Variants in PARP14 observed in about 807,000 individuals in gnomAD.
PARP14 encodes protein mono-ADP-ribosyltransferase PARP14.
Under a neutral mutation model 154.2 loss-of-function variants are expected in PARP14, and 59 were observed. That is an observed-to-expected ratio of 0.38 (90% CI 0.31 to 0.48). The LOEUF (loss-of-function observed/expected upper bound fraction) is 0.48. Ranked by LOEUF, PARP14 falls within the 20% of genes least tolerant of loss-of-function variation. PARP14 has a pLI of 0.98. For missense variants in PARP14, 1,734 were observed against 2,131.6 expected (o/e 0.81, Z 3.67); for synonymous variants, 720 against 780.5 (o/e 0.92, Z 1.29).
In PARP14 at chr3:122,700,377, T is replaced by C; in HGVS notation, c.1823T>C (p.Val608Ala). Residue 608 changes from valine (V) to alanine (A), a missense_variant, in exon 6 of 17, where the codon GTT becomes GCT. Around this residue, in one of 2 missense-constraint regions of PARP14, gnomAD observed 1,646 missense variants for 1,976.0 expected, o/e 0.83. Coordinates refer to ENST00000474629, the MANE Select transcript of PARP14 (RefSeq NM_017554.3). ...CGCATTGAAGTTGAGAACAAAGAAG[T>C]TCTTCATGGCAAGAAATGGAAAGGG... ...YKRIEVENKE[V>A]LHGKKWKGLT... 6.2e-7 allele frequency: 1 copy of C among 1,613,872 alleles called. No homozygotes were observed. The highest frequency in any genetic ancestry group is 1.3e-5 in the African/African-American group (1 of 75,032).
rs1477031819 is a variant in PARP14, at chr3:122,730,185, A to G, written c.*1588A>G. On this transcript the variant is annotated 3_prime_UTR_variant, in exon 17 of 17. Transcript: ENST00000474629. ...TAGAAAGGAACCCTCAGAGCCGGCA[A>G]CTGAATCTTGGTCCCTGTGATGTCA... 1 of 152,190 alleles carries G rather than the reference A, an allele frequency of 6.6e-6. No individual in the cohort carries two copies. The highest frequency in any genetic ancestry group is 1.5e-5 in the Non-Finnish European group (1 of 68,038). The allele number at this position is 152,190 out of a possible 1,614,324, so 9.4% of individuals were successfully genotyped here.
At chr3:122,694,691 C>T (rs998325448) in intron 4 of PARP14, among the ~76,000 whole-genome samples, 38 of 152,034 alleles carry the variant, frequency 2.5e-4, no homozygotes, top group Middle Eastern at 3.2e-3. Context: ...GGCTAATTTT[C>T]GTATTTTTAG....
At position 122,704,606 on chromosome 3, in the gene PARP14, G is replaced by T; in HGVS notation, c.3398G>T (p.Gly1133Val). 6.2e-7 allele frequency: 1 copy of T among 1,607,142 alleles called. No individual in the cohort carries two copies. Among genetic ancestry groups the T allele is most frequent in the Non-Finnish European group, 8.5e-7 (1 of 1,175,962 alleles). Residue 1133 changes from glycine to valine, a missense_variant, in exon 8 of 17, where the codon GGA (glycine) becomes GTA (valine). By Grantham distance (109) the Gly-to-Val change is moderately radical. This residue lies in a region of PARP14 where 1,646 missense variants were observed against 1,976.0 expected (regional missense o/e 0.83). Coordinates refer to ENST00000474629, the MANE Select transcript of PARP14 (RefSeq NM_017554.3). ...AAATCAATTGCATTTCCAGCAATAG[G>T]AACAGGAAACTTGGGATTTCCTAAA... ...SLKSIAFPAI[G>V]TGNLGFPKNI...
rs1342367444 is a variant in PARP14 at position 122,700,152 on chromosome 3, A to G, written c.1598A>G (p.Gln533Arg). 1 of 1,613,546 alleles carries G rather than the reference A, an allele frequency of 6.2e-7. No homozygotes were observed. ...CAGGAAAAGGTGTACACCATGGCTC[A>G]GAAAAACATTCAGGTTTCTCCTGAG... is the stretch of plus-strand genomic sequence containing the variant. ...EIQEKVYTMAQKNIQVSPEIF... is the reference protein window; with the variant it reads ...EIQEKVYTMARKNIQVSPEIF... The change falls in exon 6 of 17, where the codon CAG becomes CGG. Residue 533 changes from glutamine (Q) to arginine (R), a missense_variant. Around this residue, in one of 2 missense-constraint regions of PARP14, gnomAD observed 1,646 missense variants for 1,976.0 expected, o/e 0.83. Coordinates refer to ENST00000474629, the MANE Select transcript of PARP14 (RefSeq NM_017554.3).
chr3:122,698,742 C>A (rs374411344), intron 5 of PARP14, among the ~76,000 whole-genome samples: 3 of 152,126 alleles, frequency 2.0e-5, no homozygotes, highest in African/African-American at 7.2e-5. Flanking sequence ...GTGTGTGACA[C>A]ATGCTAAGCT....
chr3:122,684,263 T>A (rs1238581390), intron 1 of PARP14, among the ~76,000 whole-genome samples: 2 of 152,204 alleles, frequency 1.3e-5, no homozygotes, highest in African/African-American at 4.8e-5. Context: ...AAACTCCTTT[T>A]TTCCCTGACC....
rs577202097 is a variant in PARP14, at chr3:122,714,661, TAGAG to T, written c.4000+235_4000+238del. On this transcript the variant is annotated intron_variant, in intron 12 of 16. Transcript: ENST00000474629. ...GAGACTGAAGAGAGTGTTAGAATGTTAGAGAGGCAGAAAGAAGGGAAGGGAAAAT... is the reference window on the plus strand; with the variant it reads ...GAGACTGAAGAGAGTGTTAGAATGTTAGGCAGAAAGAAGGGAAGGGAAAAT... Among the ~76,000 whole-genome samples, 479 of 152,044 alleles carry T rather than the reference TAGAG, an allele frequency of 3.2e-3. 5 individuals are homozygous for T. The highest frequency in any genetic ancestry group is 5.2e-3 in the Non-Finnish European group (353 of 67,958).
Position 122,700,677 on chromosome 3 carries a change from C to T in PARP14, c.2123C>T (p.Pro708Leu), listed in dbSNP as rs1189072611. Residue 708 changes from proline (P) to leucine (L), a missense_variant, in exon 6 of 17, where the codon CCT becomes CTT. Pro to Leu is a moderately conservative substitution (Grantham distance 98, BLOSUM62 -3). Transcript: ENST00000474629. ...KKVNVQVSFNPENKQKGILLT... is the reference protein window; with the variant it reads ...KKVNVQVSFNLENKQKGILLT... ...GTAAATGTGCAGGTAAGTTTCAATC[C>T]TGAGAACAAACAAAAAGGCATTTTA... The T allele has an allele frequency of 1.2e-6, 2 of 1,609,414 alleles. No homozygotes were observed. Among genetic ancestry groups the T allele is most frequent in the African/African-American group, 2.7e-5 (2 of 74,968 alleles).
intron 12 of PARP14, among the ~76,000 whole-genome samples, chr3:122,715,876 G>A (rs1046183001): frequency 1.3e-5 from 2 of 152,168 alleles, no homozygotes; most frequent in African/African-American, 4.8e-5. Context: ...AAGAAAGAAG[G>A]TAGGTTTCGT....
chr3:122,718,377 A>T lies in PARP14; in HGVS notation c.4226A>T (p.Lys1409Met), dbSNP rs1379857582. The change falls in exon 14 of 17, where the codon AAG becomes ATG. Residue 1409 changes from lysine to methionine, a missense_variant. By Grantham distance (95) the Lys-to-Met change is moderately conservative. Transcript: ENST00000474629. ...SKLASFLGFSKQSPQKKNHLV... is the reference protein window; with the variant it reads ...SKLASFLGFSMQSPQKKNHLV... ...TTTTTAGCATTTTTGGGCTTTTCAA[A>T]GCAATCTCCCCAAAAAAAGAATCAT... 17 of 1,612,472 alleles carry T rather than the reference A, an allele frequency of 1.1e-5. No homozygotes were observed. Among genetic ancestry groups the T allele is most frequent in the South Asian group, 1.1e-5 (1 of 90,568 alleles).
chr3:122,703,092 A>G (rs1939038443), intron 6 of PARP14, among the ~76,000 whole-genome samples: 2 of 151,802 alleles, frequency 1.3e-5, no homozygotes, highest in Non-Finnish European at 2.9e-5. Context: ...CCATGGCTGT[A>G]ATAACTGCTC....
chr3:122,702,660 A>G (rs1939014774), intron 6 of PARP14, among the ~76,000 whole-genome samples: 1 of 152,200 alleles, frequency 6.6e-6, no homozygotes, highest in South Asian at 2.1e-4. Context: ...CAACTAGCAA[A>G]TGGTAGAGCC....
intron 11 of PARP14, 91 bp downstream of exon 11, chr3:122,714,025 A>G: frequency 1.1e-6 from 1 of 944,650 alleles, no homozygotes; most frequent in Non-Finnish European, 1.7e-6. Flanking sequence ...GGGAGACAAC[A>G]CTCTAATTTT....
chr3:122,727,728 G>T, intron 15 of PARP14, 84 bp from the exon 16 acceptor site: 1 of 822,498 alleles, frequency 1.2e-6, no homozygotes, highest in Admixed American at 3.1e-5. Context: ...TTTTATTTAT[G>T]AAACATAGTG....
intron 9 of PARP14, among the ~76,000 whole-genome samples, chr3:122,709,537 T>C (rs1939256494): frequency 6.6e-6 from 1 of 152,206 alleles, no homozygotes; most frequent in Admixed American, 6.5e-5. Flanking sequence ...TAATGACTTA[T>C]TTTGCTTTGG....
intron 6 of PARP14, among the ~76,000 whole-genome samples, chr3:122,702,040 A>G (rs1576589763): frequency 1.3e-5 from 2 of 152,166 alleles, no homozygotes; most frequent in African/African-American, 4.8e-5. Flanking sequence ...GAATCTTGTC[A>G]ATGATGCTGA....
chr3:122,696,282 G>A (rs1169536445), intron 5 of PARP14, among the ~76,000 whole-genome samples: 1 of 152,198 alleles, frequency 6.6e-6, no homozygotes, highest in East Asian at 1.9e-4. Context: ...AGTCAAGGCT[G>A]AGCAGAAGGA....
chr3:122,718,659 A>T lies in PARP14; in HGVS notation c.4508A>T (p.Asp1503Val), dbSNP rs985680951. Residue 1503 changes from aspartate (D) to valine (V), a missense_variant, in exon 14 of 17, where the codon GAT (aspartate) becomes GTT (valine). Around this residue, in one of 2 missense-constraint regions of PARP14, gnomAD observed 1,646 missense variants for 1,976.0 expected, o/e 0.83. Coordinates refer to ENST00000474629, the MANE Select transcript of PARP14 (RefSeq NM_017554.3). ...ATTAAGGTTTTGGGAATTAGCAGAG[A>T]TGTGATGCAGGCTAGAGATGAAATT... The part of the protein sequence containing the change: ...PLIKVLGISR[D>V]VMQARDEIEA... 1.1e-5 allele frequency: 17 copies of T among 1,613,854 alleles called. No homozygotes were observed. The highest frequency in any genetic ancestry group is 1.4e-5 in the Non-Finnish European group (17 of 1,179,882).
Position 122,718,846 on chromosome 3 carries a change from A to C in PARP14, c.4695A>C (p.Lys1565Asn). 6.2e-7 allele frequency: 1 copy of C among 1,614,026 alleles called. No individual in the cohort carries two copies. The highest frequency in any genetic ancestry group is 8.5e-7 in the Non-Finnish European group (1 of 1,179,890). Residue 1565 changes from lysine to asparagine, a missense_variant, in exon 14 of 17, where the codon AAA becomes AAC. Coordinates refer to ENST00000474629, the MANE Select transcript of PARP14 (RefSeq NM_017554.3). ...KLEDARREKK[K>N]TVDVKINHRH... The stretch of plus-strand genomic sequence containing the variant: ...AGGATGCAAGGAGAGAAAAGAAAAA[A>C]ACAGTTGATGTCAAAATTAATCATC...
Sources: allele counts gnomAD v4.1 joint callset (sites outside exome capture counted in the v4.1 genomes callset), GRCh38; gene constraint gnomAD v4.1.1; regional missense constraint gnomAD v4.1.1; transcripts MANE v1.5; gene names NCBI Gene and HGNC (gene_info 2026-07-23, HGNC 2026-07-21).